TEKT1: variants seen among roughly 807,000 people sequenced by gnomAD.
TEKT1 encodes the protein tektin 1.
A neutral mutation model predicts 34.8 loss-of-function variants in TEKT1; 32 were observed. The observed-to-expected ratio is 0.92, with a 90% CI of 0.69 to 1.23. TEKT1 has a LOEUF of 1.23. Among genes scored for constraint, TEKT1 ranks in the 50% most tolerant of loss-of-function variants. The pLI, the probability that TEKT1 is intolerant of heterozygous loss-of-function variation, is 0.00. For missense variants in TEKT1, 492 were observed against 518.5 expected, an observed-to-expected ratio of 0.95 and a Z score of 0.50; for synonymous variants, 207 against 199.8, an observed-to-expected ratio of 1.04 and a Z score of -0.30.
intron 2 of TEKT1, among the ~76,000 whole-genome samples, chr17:6,826,699 ATTT>A (rs1297685104): frequency 3.6e-4 from 44 of 122,822 alleles, no homozygotes; most frequent in Middle Eastern, 3.8e-3. Context: ...GATTATTATT[ATTT>A]TTTTTTTTTT....
chr17:6,830,053 A>G, intron 2 of TEKT1, 134 bp downstream of exon 2: 1 of 905,474 alleles, frequency 1.1e-6, no homozygotes, highest in East Asian at 2.8e-5. Context: ...ACTTAAACAT[A>G]GAACCTGGAG....
intron 2 of TEKT1, among the ~76,000 whole-genome samples, chr17:6,821,283 A>G (rs1977086301): frequency 6.6e-6 from 1 of 152,152 alleles, no homozygotes; most frequent in South Asian, 2.1e-4. Context: ...TGGATCATTG[A>G]GGCAGTTTCC....
rs146749516 is a variant in TEKT1, at chr17:6,800,156, G to A, written c.1128C>T (p.Ile376=). Residue 376 remains isoleucine (I), a synonymous_variant, in exon 8 of 8, where the codon ATC becomes ATT. Coordinates refer to ENST00000338694, the MANE Select transcript of TEKT1 (RefSeq NM_053285.2). ...TATAAATGGTGTTCTCTTTGACCTGGATCTCCTCCTGCAGGGCAAGCTGTC... is the reference window on the plus strand; with the variant it reads ...TATAAATGGTGTTCTCTTTGACCTGAATCTCCTCCTGCAGGGCAAGCTGTC... ...HRRQLALQEE[I]QVKENTIYID... The A allele has an allele frequency of 5.6e-6, 9 of 1,614,168 alleles. No homozygotes were observed. The highest frequency in any genetic ancestry group is 7.6e-6 in the Non-Finnish European group (9 of 1,180,038).
intron 7 of TEKT1, 57 bp downstream of exon 7, chr17:6,800,690 G>T: frequency 1.3e-6 from 2 of 1,549,870 alleles, no homozygotes; most frequent in Non-Finnish European, 8.8e-7. Flanking sequence ...GCCTCTGCTT[G>T]ATATCCAGGT....
At chr17:6,822,290 C>T (rs530521491) in intron 2 of TEKT1, among the ~76,000 whole-genome samples, 2 of 152,118 alleles carry the variant, frequency 1.3e-5, no homozygotes, top group Non-Finnish European at 2.9e-5. Flanking sequence ...GTACACACCA[C>T]CACACCCACC....
rs138233549 is a variant in TEKT1 at position 6,813,049 on chromosome 17, C to T, written c.634G>A (p.Val212Met). ...AAGTCCAACCAGTCTTCCAGACTCA[C>T]GGAGCTGAAACAGACCTCACGCTTT... ...ENAVRIEPNS[V>M]SLEDWLDFSS... The change falls in exon 6 of 8, where the codon GTG becomes ATG. Residue 212 changes from valine to methionine, a missense_variant. Physicochemically the swap from Val to Met is conservative, Grantham distance 21. Transcript: ENST00000338694. The T allele has an allele frequency of 1.8e-5, 29 of 1,613,148 alleles. No homozygotes were observed. Among genetic ancestry groups the T allele is most frequent in the East Asian group, 1.1e-4 (5 of 44,862 alleles).
At chr17:6,806,252 G>A (rs2151582856) in intron 6 of TEKT1, among the ~76,000 whole-genome samples, 1 of 152,192 alleles carries the variant, frequency 6.6e-6, no homozygotes, top group South Asian at 2.1e-4. Context: ...GATCTTTGTT[G>A]GTTTAAAGTC....
intron 5 of TEKT1, among the ~76,000 whole-genome samples, chr17:6,813,967 T>TCTCTCTCTCTCTCTCTCA (rs1441359856): frequency 6.6e-6 from 1 of 151,808 alleles, no homozygotes; most frequent in African/African-American, 2.4e-5. Context: ...TCTCTCTCTC[T>TCTCTCTCTCTCTCTCTCA]CTCTCTCTCT....
rs28409905 is a variant in TEKT1 at position 6,819,163 on chromosome 17, A to G, written c.356+30T>C. Reference sequence around the variant, plus strand: ...CCCAGCATCTCATTTGTCACAACACATGAATCATTTGAGGGACCTTCGCTC... The same window carrying G: ...CCCAGCATCTCATTTGTCACAACACGTGAATCATTTGAGGGACCTTCGCTC... On this transcript the variant is annotated intron_variant, in intron 3 of 7. Coordinates refer to ENST00000338694, the MANE Select transcript of TEKT1 (RefSeq NM_053285.2). 9.8e-3 allele frequency: 15,656 copies of G among 1,602,642 alleles called. 1,001 individuals are homozygous for G. The African/African-American group carries it at 0.16, about 16-fold the overall frequency.
rs777029111 is a variant in TEKT1 at position 6,819,325 on chromosome 17, T to G, written c.224A>C (p.Lys75Thr). The G allele has an allele frequency of 6.2e-7, 1 of 1,614,002 alleles. No homozygotes were observed. Residue 75 changes from lysine (K) to threonine (T), a missense_variant, in exon 3 of 8, where the codon AAG (lysine) becomes ACG (threonine). Lys to Thr is a moderately conservative substitution (Grantham distance 78, BLOSUM62 -1). Coordinates refer to ENST00000338694, the MANE Select transcript of TEKT1 (RefSeq NM_053285.2). ...QRLEEVQFWK[K>T]ELDDKLEQLV... ...CTGCTCAAGTTTGTCATCTAACTCC[T>G]TCTTCCAGAACTGGACTTCCTCGAG...
chr17:6,827,692 A>G (rs188880229), intron 2 of TEKT1, among the ~76,000 whole-genome samples: 57 of 152,304 alleles, frequency 3.7e-4, no homozygotes, highest in African/African-American at 1.3e-3. Context: ...GAAGGGAATC[A>G]ACACTTTTAA....
Position 6,819,284 on chromosome 17 carries a change from C to T in TEKT1, c.265G>A (p.Asp89Asn). Residue 89 changes from aspartate to asparagine, a missense_variant, in exon 3 of 8, where the codon GAT (aspartate) becomes AAT (asparagine). By Grantham distance (23) the Asp-to-Asn change is conservative. Coordinates refer to ENST00000338694, the MANE Select transcript of TEKT1 (RefSeq NM_053285.2). The stretch of plus-strand genomic sequence containing the variant: ...CTGATCTTATATATGAGTAGATCAT[C>T]AGTTACATTCACAAGCTGCTCAAGT... ...DKLEQLVNVT[D>N]DLLIYKIRLE... 1 of 1,614,092 alleles carries T rather than the reference C, an allele frequency of 6.2e-7. No homozygotes were observed. The highest frequency in any genetic ancestry group is 8.5e-7 in the Non-Finnish European group (1 of 1,179,988).
chr17:6,801,851 G>A (rs1399097650), intron 6 of TEKT1, among the ~76,000 whole-genome samples: 1 of 152,084 alleles, frequency 6.6e-6, no homozygotes, highest in Non-Finnish European at 1.5e-5. Flanking sequence ...ATACACAAAA[G>A]TAGATAGACT....
At position 6,819,311 on chromosome 17, in the gene TEKT1, T is replaced by A; in HGVS notation, c.238A>T (p.Lys80Ter). ...VQFWKKELDD[K>*]LEQLVNVTDD... ...GTTACATTCACAAGCTGCTCAAGTT[T>A]GTCATCTAACTCCTTCTTCCAGAAC... Residue 80 changes from lysine (K) to a stop codon, truncating the protein, a stop_gained, in exon 3 of 8, where the codon AAA becomes TAA. Coordinates refer to ENST00000338694, the MANE Select transcript of TEKT1 (RefSeq NM_053285.2). LOFTEE classifies it high-confidence loss of function. 1 of 1,614,068 alleles carries A rather than the reference T, an allele frequency of 6.2e-7. No individual in the cohort carries two copies. Among genetic ancestry groups the A allele is most frequent in the Non-Finnish European group, 8.5e-7 (1 of 1,179,982 alleles).
In TEKT1 at chr17:6,811,544, A is replaced by C. The variant is rs1976927860; in HGVS notation, c.852+1287T>G. Among the ~76,000 whole-genome samples, 1 of 152,100 alleles carries C rather than the reference A, an allele frequency of 6.6e-6. No individual in the cohort carries two copies. The highest frequency in any genetic ancestry group is 6.5e-5 in the Admixed American group (1 of 15,274). ...GCTCTGACGTCTACCCATTTCCACTAGGCTCGTCTACCTCTCGGTTTGCTG... is the reference window on the plus strand; with the variant it reads ...GCTCTGACGTCTACCCATTTCCACTCGGCTCGTCTACCTCTCGGTTTGCTG... On this transcript the variant is annotated intron_variant, in intron 6 of 7. Transcript: ENST00000338694. The surrounding 1 kb of genome is among the most constrained non-coding windows in gnomAD (Gnocchi z 4.4).
intron 5 of TEKT1, 36 bp from the exon 6 acceptor site, chr17:6,813,089 T>G (rs556963392): frequency 1.7e-5 from 27 of 1,585,738 alleles, no homozygotes; most frequent in South Asian, 6.7e-5. Context: ...CACAGCATAT[T>G]TGGGGTGGGG....
intron 6 of TEKT1, among the ~76,000 whole-genome samples, chr17:6,810,166 G>C (rs562285394): frequency 6.6e-6 from 1 of 152,292 alleles, no homozygotes; most frequent in African/African-American, 2.4e-5. Flanking sequence ...TCAGTGCTTT[G>C]GATTTTCTGT....
At chr17:6,813,378 A>G (rs1405435943) in intron 5 of TEKT1, among the ~76,000 whole-genome samples, 2 of 152,206 alleles carry the variant, frequency 1.3e-5, no homozygotes, top group Non-Finnish European at 2.9e-5. Flanking sequence ...GCTCAGCTAG[A>G]GATAATTTGA....
At position 6,830,174 on chromosome 17, in the gene TEKT1, C is replaced by T; in HGVS notation, c.190+13G>A. On this transcript the variant is annotated intron_variant, in intron 2 of 7. Coordinates refer to ENST00000338694, the MANE Select transcript of TEKT1 (RefSeq NM_053285.2). Reference sequence around the variant, plus strand: ...CTAGCATGTTCACGAATATGCCAAGCATGTTGTCTTACCTAGTTTCTTGTT... The same window carrying T: ...CTAGCATGTTCACGAATATGCCAAGTATGTTGTCTTACCTAGTTTCTTGTT... 1 of 1,604,178 alleles carries T rather than the reference C, an allele frequency of 6.2e-7. No homozygotes were observed. Among genetic ancestry groups the T allele is most frequent in the Non-Finnish European group, 8.5e-7 (1 of 1,177,860 alleles).
Sources: gnomAD v4.1 joint callset for allele counts (sites outside exome capture counted in the v4.1 genomes callset) on GRCh38, gnomAD v4.1.1 for gene constraint, Gnocchi (gnomAD v3.1) non-coding constraint, MANE v1.5 for transcripts, NCBI Gene and HGNC (gene_info 2026-07-23, HGNC 2026-07-21) for gene names.